PHF14: variants seen among roughly 807,000 people sequenced by gnomAD.
PHF14 encodes the protein PHD finger protein 14.
Under a neutral mutation model 117.9 loss-of-function variants are expected in PHF14, and 55 were observed. The ratio of observed to expected loss-of-function variants is 0.47; its 90% CI spans 0.38 to 0.58. The LOEUF is 0.58. Ranked by LOEUF, PHF14 falls within the 20% of genes least tolerant of loss-of-function variation. PHF14 has a pLI of 0.00. For synonymous variants in PHF14, 409 were observed against 368.6 expected (o/e 1.11, Z -1.26); for missense variants, 978 against 1,122.2 (o/e 0.87, Z 1.84).
At chr7:11,047,729 T>G (rs991487249) in intron 13 of PHF14, among the ~76,000 whole-genome samples, 1 of 150,108 alleles carries the variant, frequency 6.7e-6, no homozygotes, top group African/African-American at 2.5e-5. Flanking sequence ...GAGGCTACAA[T>G]GAGCTGAGAT....
chr7:11,077,599 TAAAAAAAAAA>T (rs10658162), intron 16 of PHF14, among the ~76,000 whole-genome samples: 14 of 105,040 alleles, frequency 1.3e-4, no homozygotes, highest in South Asian at 3.4e-4. Flanking sequence ...GACTCTGTCT[TAAAAAAAAAA>T]AAAAAAAAAA....
At chr7:11,064,559 A>C (rs540312365) in intron 16 of PHF14, among the ~76,000 whole-genome samples, 38 of 152,104 alleles carry the variant, frequency 2.5e-4, no homozygotes, top group African/African-American at 8.9e-4. Context: ...TGTTTATATC[A>C]CACTAGAATC....
rs534077998 is a variant in PHF14 at position 11,033,304 on chromosome 7, G to A, written c.1456-2336G>A. ...CGGATTGGATACTGAGGGGAGTTTG[G>A]TTCCAGGGATCAGTTCCCTTCTTTC... On this transcript the variant is annotated intron_variant, in intron 7 of 17. Transcript: ENST00000634607. 5.3e-5 allele frequency among the ~76,000 whole-genome samples: 8 copies of A among 152,276 alleles called. No homozygotes were observed. The East Asian group carries it at 9.7e-4, about 18-fold the overall frequency.
At chr7:11,005,781 AAAATT>A (rs1394873842) in intron 4 of PHF14, among the ~76,000 whole-genome samples, 59 of 151,160 alleles carry the variant, frequency 3.9e-4, no homozygotes, top group Non-Finnish European at 8.1e-4. Context: ...CCTAGAAGTA[AAAATT>A]CTTTTTTTTT....
At chr7:11,004,246 C>CAAAA (rs55917513) in intron 4 of PHF14, among the ~76,000 whole-genome samples, 99 of 51,218 alleles carry the variant, frequency 1.9e-3, no homozygotes, top group African/African-American at 4.5e-3. Context: ...GACTTTGTCT[C>CAAAA]AAAAAAAAAA....
intron 17 of PHF14, among the ~76,000 whole-genome samples, chr7:11,120,694 G>T (rs948506679): frequency 1.3e-5 from 2 of 151,800 alleles, no homozygotes; most frequent in Admixed American, 6.6e-5. Flanking sequence ...TTTTAATATT[G>T]ATGGTAATTC....
intron 17 of PHF14, among the ~76,000 whole-genome samples, chr7:11,151,046 TAAG>T (rs1335748324): frequency 1.3e-5 from 2 of 152,194 alleles, no homozygotes; most frequent in Admixed American, 1.3e-4. Context: ...ATTTTAAAAA[TAAG>T]AAAAGCAAAA....
chr7:11,104,362 G>C (rs766475546), intron 16 of PHF14: 3 of 968,302 alleles, frequency 3.1e-6, no homozygotes, highest in Non-Finnish European at 3.7e-6. Context: ...AAAACTTGAA[G>C]TAACTAGAAT....
intron 2 of PHF14, among the ~76,000 whole-genome samples, chr7:10,981,410 T>G (rs138148504): frequency 6.6e-6 from 1 of 152,294 alleles, no homozygotes; most frequent in Non-Finnish European, 1.5e-5. Flanking sequence ...GTTATTTACT[T>G]AATTGGGTAC....
At chr7:11,056,155 C>G (rs1227663137) in intron 14 of PHF14, among the ~76,000 whole-genome samples, 1 of 152,154 alleles carries the variant, frequency 6.6e-6, no homozygotes. Context: ...TGGAAGAGAT[C>G]TACTCTGTGG....
chr7:10,990,120 C>G (rs977964485), intron 3 of PHF14, among the ~76,000 whole-genome samples: 2 of 152,166 alleles, frequency 1.3e-5, no homozygotes, highest in African/African-American at 4.8e-5. Flanking sequence ...ATCTGTCTTA[C>G]AGTAGTTTGA....
intron 17 of PHF14, among the ~76,000 whole-genome samples, chr7:11,136,159 T>G (rs1000175839): frequency 4.8e-4 from 73 of 152,162 alleles, no homozygotes; most frequent in Non-Finnish European, 4.4e-5. Context: ...CATCACATAT[T>G]AAGGTCAATG....
In PHF14 at chr7:10,985,638, G is replaced by GTTTTTT. The variant is rs61250143; in HGVS notation, c.900+2505_900+2510dup. On this transcript the variant is annotated intron_variant, in intron 3 of 17. Coordinates refer to ENST00000634607, the MANE Select transcript of PHF14 (RefSeq NM_001007157.2). ...ACTCTCTAGCAGTGATTCTCAAACT[G>GTTTTTT]TTTTTTTTTTTTTTTTTTTTTTTTT... 2.3e-3 allele frequency among the ~76,000 whole-genome samples: 106 copies of GTTTTTT among 45,968 alleles called. 16 individuals carry two copies. Among genetic ancestry groups the GTTTTTT allele is most frequent in the East Asian group, 6.8e-3 (9 of 1,322 alleles). The allele number at this position is 45,968 out of a possible 152,430, so 30.2% of individuals were successfully genotyped here.
At chr7:11,081,145 A>G (rs1232673884) in intron 16 of PHF14, among the ~76,000 whole-genome samples, 1 of 152,194 alleles carries the variant, frequency 6.6e-6, no homozygotes, top group Admixed American at 6.5e-5. Context: ...AGTACTTGCA[A>G]GAAATGTGTC....
At chr7:11,059,573 C>G (rs972487566) in intron 14 of PHF14, among the ~76,000 whole-genome samples, 1 of 152,018 alleles carries the variant, frequency 6.6e-6, no homozygotes, top group African/African-American at 2.4e-5. Flanking sequence ...GTCAGGAGTT[C>G]GAGACCAGCC....
intron 16 of PHF14, among the ~76,000 whole-genome samples, chr7:11,094,370 G>A (rs1236840521): frequency 6.6e-6 from 1 of 152,076 alleles, no homozygotes; most frequent in African/African-American, 2.4e-5. Context: ...GCCTTTTCTA[G>A]CACTAGAGTT....
chr7:11,008,763 C>T (rs28422022), intron 4 of PHF14, among the ~76,000 whole-genome samples: 18,850 of 151,966 alleles, frequency 0.12, 1,641 homozygotes, highest in African/African-American at 0.25. Context: ...TGGCCGGGCG[C>T]GGTGGCTCAC....
intron 17 of PHF14, among the ~76,000 whole-genome samples, chr7:11,139,260 T>A (rs578075259): frequency 2.0e-5 from 3 of 152,252 alleles, no homozygotes; most frequent in East Asian, 1.9e-4. Context: ...TAAATAATTT[T>A]GTTTGTTGTT....
chr7:11,013,534 T>A (rs900535349), intron 4 of PHF14, among the ~76,000 whole-genome samples: 2 of 152,208 alleles, frequency 1.3e-5, no homozygotes, highest in Non-Finnish European at 2.9e-5. Context: ...GGACTAAAAC[T>A]ATTTTTAAAA....
Sources: gnomAD v4.1 joint callset for allele counts (sites outside exome capture counted in the v4.1 genomes callset) on GRCh38, gnomAD v4.1.1 for gene constraint, MANE v1.5 for transcripts, NCBI Gene and HGNC (gene_info 2026-07-23, HGNC 2026-07-21) for gene names.